CPSF7: variants seen among roughly 807,000 people sequenced by gnomAD.
CPSF7 encodes cleavage and polyadenylation specific factor 7, also known as cleavage and polyadenylation specificity factor subunit 7.
CPSF7 carries 1 observed loss-of-function variant against 44.3 expected under a neutral mutation model. That is an observed-to-expected ratio of 0.02 (90% CI 0.01 to 0.11). CPSF7 has a LOEUF of 0.11. Among genes scored for constraint, CPSF7 ranks in the 10% least tolerant of loss-of-function variants. CPSF7 has a pLI of 1.00. For synonymous variants in CPSF7, 202 were observed against 222.0 expected (o/e 0.91, Z 0.80); for missense variants, 443 against 607.2 (o/e 0.73, Z 2.84).
intron 1 of CPSF7, chr11:61,429,632 T>G: frequency 9.1e-7 from 1 of 1,097,286 alleles, no homozygotes; most frequent in Non-Finnish European, 1.3e-6. Flanking sequence ...CCGCTGCACC[T>G]GCCTAGCCCC....
At chr11:61,415,373 A>C (rs112668995) in intron 7 of CPSF7, among the ~76,000 whole-genome samples, 88 of 152,296 alleles carry the variant, frequency 5.8e-4, no homozygotes, top group African/African-American at 2.1e-3. Flanking sequence ...AGATTTCCAC[A>C]AGGCAGGAAT....
Position 61,424,190 on chromosome 11 carries a change from T to A in CPSF7, c.55-2582A>T, listed in dbSNP as rs182927387. Among the ~76,000 whole-genome samples, 760 of 152,282 alleles carry A rather than the reference T, an allele frequency of 5.0e-3. 3 individuals are homozygous for A. The highest frequency in any genetic ancestry group is 0.021 in the South Asian group (100 of 4,828). ...AAAGAATGAGGAGAGAAGCTAACACTGGAGAGGACAGGGTGGATAATAAAG... is the reference window on the plus strand; with the variant it reads ...AAAGAATGAGGAGAGAAGCTAACACAGGAGAGGACAGGGTGGATAATAAAG... On this transcript the variant is annotated intron_variant, in intron 2 of 9. Transcript: ENST00000439958.
chr11:61,418,436 G>A (rs894817638), intron 5 of CPSF7, among the ~76,000 whole-genome samples: 1 of 152,176 alleles, frequency 6.6e-6, no homozygotes, highest in Non-Finnish European at 1.5e-5. Context: ...TTCAACTGGG[G>A]TGACTAGGCC....
chr11:61,414,005 G>C (rs1399238148), intron 7 of CPSF7, among the ~76,000 whole-genome samples: 1 of 152,140 alleles, frequency 6.6e-6, no homozygotes, highest in Non-Finnish European at 1.5e-5. Flanking sequence ...AGAACAACAG[G>C]AGATCAAGAT....
chr11:61,416,214 G>T lies in CPSF7; in HGVS notation c.829C>A (p.Pro277Thr). Residue 277 changes from proline (P) to threonine (T), a missense_variant, in exon 6 of 10, where the codon CCA becomes ACA. Transcript: ENST00000439958. ...HLAVPPPGAI[P>T]PALHLNPAFF... is the part of the protein sequence containing the mutation. ...GCTGGATTGAGGTGAAGGGCAGGTG[G>T]GATGGCCCCAGGGGGAGGTACAGCA... 6.5e-7 allele frequency: 1 copy of T among 1,529,680 alleles called. No homozygotes were observed. The highest frequency in any genetic ancestry group is 2.2e-5 in the Admixed American group (1 of 46,278). The allele number at this position is 1,529,680 out of a possible 1,614,324, so 94.8% of individuals were successfully genotyped here.
intron 5 of CPSF7, among the ~76,000 whole-genome samples, chr11:61,419,125 CA>C (rs902372403): frequency 2.6e-5 from 4 of 152,192 alleles, no homozygotes; most frequent in Admixed American, 2.6e-4. Context: ...CGGGGTCAAG[CA>C]ATTCTCCTGC....
intron 2 of CPSF7, among the ~76,000 whole-genome samples, chr11:61,428,699 G>A (rs888233318): frequency 6.6e-6 from 1 of 152,188 alleles, no homozygotes; most frequent in Non-Finnish European, 1.5e-5. Context: ...ATAAAAGGAA[G>A]TAAAACTTAA....
chr11:61,416,958 T>C (rs1860394327), intron 5 of CPSF7, among the ~76,000 whole-genome samples: 1 of 152,150 alleles, frequency 6.6e-6, no homozygotes, highest in Non-Finnish European at 1.5e-5. Flanking sequence ...CTCTTCCTGT[T>C]GCACACTTAA....
rs1402790235 is a variant in CPSF7, at chr11:61,416,206, G to A, written c.837C>T (p.Ala279=). The part of the protein sequence containing the change: ...AVPPPGAIPP[A]LHLNPAFFPP... ...GGAAGAAGGCTGGATTGAGGTGAAG[G>A]GCAGGTGGGATGGCCCCAGGGGGAG... Residue 279 remains alanine (A), a synonymous_variant, in exon 6 of 10, where the codon GCC becomes GCT. Coordinates refer to ENST00000439958, the MANE Select transcript of CPSF7 (RefSeq NM_001142565.3). 1 of 1,527,876 alleles carries A rather than the reference G, an allele frequency of 6.5e-7. No individual in the cohort carries two copies. The highest frequency in any genetic ancestry group is 8.8e-7 in the Non-Finnish European group (1 of 1,140,374). 94.6% of individuals were successfully genotyped at this position (1,527,876 alleles called of 1,614,324 possible).
At chr11:61,405,023 G>A (rs1859179284) in intron 9 of CPSF7, among the ~76,000 whole-genome samples, 1 of 152,198 alleles carries the variant, frequency 6.6e-6, no homozygotes, top group African/African-American at 2.4e-5. Flanking sequence ...CAAAAGTATG[G>A]AAACTGTGAC....
Position 61,404,205 on chromosome 11 carries a change from G to A in CPSF7, c.*505C>T, listed in dbSNP as rs1157500374. ...TGGAAAGGTAAAGGAGTTAAACAAA[G>A]AAGTGGTATGTTAGCAAGGGGTTTG... is the stretch of plus-strand genomic sequence containing the variant. On this transcript the variant is annotated 3_prime_UTR_variant, in exon 10 of 10. Coordinates refer to ENST00000439958, the MANE Select transcript of CPSF7 (RefSeq NM_001142565.3). The A allele has an allele frequency of 6.6e-6, 1 of 152,636 alleles. No individual in the cohort carries two copies. The highest frequency in any genetic ancestry group is 2.4e-5 in the African/African-American group (1 of 41,446). The allele number at this position is 152,636 out of a possible 1,614,324, so 9.5% of individuals were successfully genotyped here.
At chr11:61,408,854 CCAACCTTCCTG>C (rs1180345924) in intron 9 of CPSF7, among the ~76,000 whole-genome samples, 11 of 152,298 alleles carry the variant, frequency 7.2e-5, no homozygotes, top group African/African-American at 2.6e-4. Flanking sequence ...AGTTTTTATC[CCAACCTTCCTG>C]CTTTCATTTT....
intron 2 of CPSF7, among the ~76,000 whole-genome samples, chr11:61,426,154 T>C (rs1016551703): frequency 1.3e-5 from 2 of 152,194 alleles, no homozygotes; most frequent in African/African-American, 4.8e-5. Flanking sequence ...TAGGGTTCCA[T>C]CTAGGAAAAA....
intron 2 of CPSF7, among the ~76,000 whole-genome samples, chr11:61,426,292 G>A (rs1861331562): frequency 1.3e-5 from 2 of 152,212 alleles, no homozygotes; most frequent in Non-Finnish European, 2.9e-5. Context: ...TTCAGACTAA[G>A]CCAGCTTCTA....
At chr11:61,426,320 T>A (rs1180044689) in intron 2 of CPSF7, 1 of 152,018 alleles carries the variant, frequency 6.6e-6, no homozygotes, top group Non-Finnish European at 1.5e-5. Context: ...TAGCCAAAGT[T>A]TTTTTGTTTT....
intron 8 of CPSF7, 44 bp downstream of exon 8, chr11:61,411,725 G>A (rs1424352231): frequency 1.9e-6 from 3 of 1,566,852 alleles, no homozygotes; most frequent in Non-Finnish European, 2.6e-6. Flanking sequence ...CCCTGGAAGA[G>A]TGCTGCTTGG....
At chr11:61,429,080 G>T in intron 2 of CPSF7, 102 bp downstream of exon 2, 1 of 687,754 alleles carries the variant, frequency 1.5e-6, no homozygotes, top group African/African-American at 1.8e-5. Flanking sequence ...ATAGACGCGT[G>T]TTCAAGCCTA....
rs747894968 is a variant in CPSF7 at position 61,420,076 on chromosome 11, T to C, written c.396A>G (p.Val132=). Residue 132 remains valine (V), a synonymous_variant, in exon 5 of 10, where the codon GTA becomes GTG. Coordinates refer to ENST00000439958, the MANE Select transcript of CPSF7 (RefSeq NM_001142565.3). ...GQSKGYAEVV[V]ASENSVHKLL... Reference sequence around the variant, plus strand: ...ATTTGTGGACAGAGTTTTCAGAGGCTACCACCACCTCAGCATACCTTAGGA... The same window carrying C: ...ATTTGTGGACAGAGTTTTCAGAGGCCACCACCACCTCAGCATACCTTAGGA... The C allele has an allele frequency of 3.1e-6, 5 of 1,613,594 alleles. No individual in the cohort carries two copies. In the Admixed American group the frequency reaches 8.3e-5, roughly 27 times the overall value.
chr11:61,416,554 G>A, intron 5 of CPSF7, 35 bp from the exon 6 acceptor site: 1 of 1,606,826 alleles, frequency 6.2e-7, no homozygotes, highest in South Asian at 1.1e-5. Flanking sequence ...TTACTGCCCA[G>A]GCTTTACACA....
Sources: gnomAD v4.1 joint callset for allele counts (sites outside exome capture counted in the v4.1 genomes callset) on GRCh38, gnomAD v4.1.1 for gene constraint, MANE v1.5 for transcripts, NCBI Gene and HGNC (gene_info 2026-07-23, HGNC 2026-07-21) for gene names.